The following IPO11 variants were observed in gnomAD, a reference collection of about 807,000 sequenced individuals.
The protein encoded by IPO11 is importin-11.
IPO11 carries 66 observed loss-of-function variants against 143.2 expected under a neutral mutation model. That is an observed-to-expected ratio of 0.46 (90% CI 0.38 to 0.57). The LOEUF (loss-of-function observed/expected upper bound fraction) is 0.57, where lower values mean the gene tolerates loss of function less well. Ranked by LOEUF, IPO11 falls within the 20% of genes least tolerant of loss-of-function variation. The pLI, the probability that IPO11 is intolerant of heterozygous loss-of-function variation, is 0.00. For synonymous variants in IPO11, 385 were observed against 377.8 expected, an observed-to-expected ratio of 1.02 and a Z score of -0.22; for missense variants, 1,026 against 1,141.0, an observed-to-expected ratio of 0.90 and a Z score of 1.45.
chr5:62,510,352 T>G (rs1390200386), intron 19 of IPO11, among the ~76,000 whole-genome samples: 1 of 152,240 alleles, frequency 6.6e-6, no homozygotes, highest in Non-Finnish European at 1.5e-5. Flanking sequence ...CTTCACTTCA[T>G]TAGTAAGTTT....
chr5:62,465,897 A>C (rs183925979), intron 5 of IPO11, among the ~76,000 whole-genome samples: 333 of 152,320 alleles, frequency 2.2e-3, no homozygotes, highest in African/African-American at 7.5e-3. Context: ...AAACAATAGG[A>C]GATAGATGAC....
intron 1 of IPO11, among the ~76,000 whole-genome samples, chr5:62,422,252 T>A (rs1348121532): frequency 3.3e-5 from 5 of 152,084 alleles, no homozygotes. Flanking sequence ...TCAGCCTCCC[T>A]AGTAGCTGGG....
At chr5:62,416,725 T>TTTA (rs1743307834) in intron 1 of IPO11, among the ~76,000 whole-genome samples, 1 of 151,670 alleles carries the variant, frequency 6.6e-6, no homozygotes. Flanking sequence ...CTTTTTTTTT[T>TTTA]TTTATTTTTT....
At chr5:62,581,985 C>G (rs998220354) in intron 27 of IPO11, among the ~76,000 whole-genome samples, 2 of 152,106 alleles carry the variant, frequency 1.3e-5, no homozygotes. Flanking sequence ...AGAAGAAAAC[C>G]TGCTGCTTTT....
At chr5:62,523,599 TTTC>T (rs1398171396) in intron 20 of IPO11, among the ~76,000 whole-genome samples, 5 of 152,184 alleles carry the variant, frequency 3.3e-5, no homozygotes, top group African/African-American at 4.8e-5. Flanking sequence ...TTAGGAGATA[TTTC>T]TTCTTCTTTG....
chr5:62,474,130 G>C (rs557073869), intron 7 of IPO11, among the ~76,000 whole-genome samples: 1 of 152,266 alleles, frequency 6.6e-6, no homozygotes, highest in South Asian at 2.1e-4. Context: ...AAGGAGAATA[G>C]AGAGTGTTTA....
At chr5:62,513,423 C>A (rs1580268565) in intron 19 of IPO11, among the ~76,000 whole-genome samples, 2 of 137,334 alleles carry the variant, frequency 1.5e-5, no homozygotes, top group Admixed American at 7.1e-5. Flanking sequence ...GACCCCCCCC[C>A]CACCTCCCTC....
At position 62,572,541 on chromosome 5, in the gene IPO11, GTTTGTTTATTTATTTATTTATTTA is replaced by G. The variant is rs745700899; in HGVS notation, c.2582+11288_2582+11311del. On this transcript the variant is annotated intron_variant, in intron 27 of 29. Coordinates refer to ENST00000325324, the MANE Select transcript of IPO11 (RefSeq NM_016338.5). ...ACAATCATTGTGTATATGTATATTT[GTTTGTTTATTTATTTATTTATTTA>G]TTTATTTATTTATTTATTTATTTTT... Among the ~76,000 whole-genome samples, 406 of 141,746 alleles carry G rather than the reference GTTTGTTTATTTATTTATTTATTTA, an allele frequency of 2.9e-3. 4 individuals carry two copies. The highest frequency in any genetic ancestry group is 3.9e-3 in the Non-Finnish European group (256 of 66,150). The allele number at this position is 141,746 out of a possible 152,430, so 93.0% of individuals were successfully genotyped here.
At chr5:62,626,967 A>G (rs1002573872) in intron 29 of IPO11, among the ~76,000 whole-genome samples, 187 bp from the exon 30 acceptor site, 4 of 152,226 alleles carry the variant, frequency 2.6e-5, no homozygotes, top group African/African-American at 9.6e-5. Context: ...ACTGAAGTTA[A>G]GACTAATTGA....
chr5:62,447,038 C>A (rs1036289394), intron 3 of IPO11, among the ~76,000 whole-genome samples: 1 of 151,374 alleles, frequency 6.6e-6, no homozygotes, highest in Non-Finnish European at 1.5e-5. Flanking sequence ...GAACAGAAGC[C>A]CTTAATTTTA....
chr5:62,607,798 C>G (rs1409149242), intron 29 of IPO11, among the ~76,000 whole-genome samples: 2 of 150,608 alleles, frequency 1.3e-5, no homozygotes, highest in Non-Finnish European at 3.0e-5. Flanking sequence ...CATGCCACAT[C>G]TCTTTTTTTT....
chr5:62,483,135 T>C lies in IPO11; in HGVS notation c.863T>C (p.Phe288Ser), dbSNP rs759294534. 6 of 1,606,168 alleles carry C rather than the reference T, an allele frequency of 3.7e-6. No individual in the cohort carries two copies. The South Asian group carries it at 6.7e-5, about 18-fold the overall frequency. Residue 288 changes from phenylalanine (F) to serine (S), a missense_variant, in exon 10 of 30, where the codon TTT becomes TCT. Physicochemically the swap from Phe to Ser is radical, Grantham distance 155 (BLOSUM62 -2). This residue lies in a region of IPO11 where 429 missense variants were observed against 456.3 expected (regional missense o/e 0.94). Transcript: ENST00000325324. ...TTCTTGGATCAGCATCCTTTTTCAT[T>C]TACTCCTCTAATTCAGAGATCACTG... is the stretch of plus-strand genomic sequence containing the variant. Reference protein sequence around the residue: ...LDFLDQHPFSFTPLIQRSLEF... With the variant: ...LDFLDQHPFSSTPLIQRSLEF...
intron 27 of IPO11, among the ~76,000 whole-genome samples, chr5:62,563,087 C>T (rs1054222222): frequency 2.0e-5 from 3 of 152,198 alleles, no homozygotes; most frequent in African/African-American, 7.2e-5. Flanking sequence ...GGTGGACATG[C>T]ACAAGATGAA....
chr5:62,507,479 C>T (rs1236234279), intron 19 of IPO11, among the ~76,000 whole-genome samples: 29 of 152,064 alleles, frequency 1.9e-4, no homozygotes, highest in Admixed American at 1.9e-3. Context: ...CTTGCCTCTG[C>T]TATTTAGTTT....
intron 16 of IPO11, 139 bp downstream of exon 16, chr5:62,494,263 T>A: frequency 1.7e-6 from 1 of 602,356 alleles, no homozygotes; most frequent in East Asian, 3.5e-5. Context: ...GTGAGCAGTT[T>A]GATTTGAGGG....
chr5:62,591,520 AC>A (rs1745010108), intron 27 of IPO11, 56 bp from the exon 28 acceptor site: 6 of 1,016,092 alleles, frequency 5.9e-6, no homozygotes, highest in Non-Finnish European at 7.2e-6. Flanking sequence ...GAAAAAAAAA[AC>A]AAAAAGAATT....
At chr5:62,489,266 C>A in intron 13 of IPO11, 36 bp from the exon 14 acceptor site, 3 of 1,253,146 alleles carry the variant, frequency 2.4e-6, no homozygotes, top group Admixed American at 2.7e-5. Flanking sequence ...GTTTTATTTG[C>A]TTTTACTGAT....
intron 20 of IPO11, among the ~76,000 whole-genome samples, chr5:62,521,621 T>C (rs1278777310): frequency 6.6e-6 from 1 of 152,164 alleles, no homozygotes; most frequent in African/African-American, 2.4e-5. Flanking sequence ...ATGACTCCAT[T>C]GTATTTTATT....
intron 27 of IPO11, among the ~76,000 whole-genome samples, chr5:62,584,272 G>T (rs1451601135): frequency 6.6e-6 from 1 of 152,034 alleles, no homozygotes; most frequent in Non-Finnish European, 1.5e-5. Context: ...CTTCAGTGGT[G>T]ATGGGACAGA....
Sources: gnomAD v4.1 joint callset for allele counts (sites outside exome capture counted in the v4.1 genomes callset) on GRCh38, gnomAD v4.1.1 for gene constraint, gnomAD v4.1.1 regional missense constraint, MANE v1.5 for transcripts, NCBI Gene and HGNC (gene_info 2026-07-23, HGNC 2026-07-21) for gene names.